Variants in HMMR observed in about 807,000 individuals in gnomAD.
HMMR encodes intracellular hyaluronic acid-binding protein.
Under a neutral mutation model 101.0 loss-of-function variants are expected in HMMR, and 108 were observed. The ratio of observed to expected loss-of-function variants is 1.07; its 90% CI spans 0.92 to 1.25. HMMR has a LOEUF of 1.25. Ranked by LOEUF, HMMR falls within the 50% of genes most tolerant of loss-of-function variation. The pLI is 0.00. For missense variants in HMMR, 813 were observed against 788.7 expected (o/e 1.03, Z -0.37); for synonymous variants, 296 against 276.4 (o/e 1.07, Z -0.70).
chr5:163,487,723 C>CT (rs564620480), intron 16 of HMMR, among the ~76,000 whole-genome samples: 36 of 149,876 alleles, frequency 2.4e-4, no homozygotes, highest in Non-Finnish European at 4.7e-4. Context: ...CCTTTATAAT[C>CT]TTTTTTTTAT....
At chr5:163,476,157 TA>T (rs532303083) in intron 11 of HMMR, among the ~76,000 whole-genome samples, 1 of 148,018 alleles carries the variant, frequency 6.8e-6, no homozygotes, top group Admixed American at 6.8e-5. Context: ...TACTAAAAAT[TA>T]AAAAAAAAAC....
intron 3 of HMMR, among the ~76,000 whole-genome samples, chr5:163,466,749 C>G: frequency 6.6e-6 from 1 of 151,934 alleles, no homozygotes; most frequent in Non-Finnish European, 1.5e-5. Flanking sequence ...CAATGACATG[C>G]TGAAAAAATA....
intron 17 of HMMR, among the ~76,000 whole-genome samples, 179 bp from the exon 18 acceptor site, chr5:163,490,933 G>A (rs770285276): frequency 6.6e-6 from 1 of 152,116 alleles, no homozygotes; most frequent in Non-Finnish European, 1.5e-5. Flanking sequence ...TCTTGACTGT[G>A]AATGTTTGTC....
chr5:163,490,317 G>T, intron 16 of HMMR, 73 bp from the exon 17 acceptor site: 1 of 1,022,510 alleles, frequency 9.8e-7, no homozygotes. Context: ...GAATTTGCCC[G>T]CAACATTGGT....
In HMMR at chr5:163,475,529, T is replaced by C. The variant is rs530844172; in HGVS notation, c.1125T>C (p.Phe375=). 4 of 1,610,178 alleles carry C rather than the reference T, an allele frequency of 2.5e-6. No homozygotes were observed. Among genetic ancestry groups the C allele is most frequent in the Non-Finnish European group, 3.4e-6 (4 of 1,177,092 alleles). Residue 375 remains phenylalanine (F), a synonymous_variant, in exon 11 of 18, where the codon TTT becomes TTC. Transcript: ENST00000393915. Reference sequence around the variant, plus strand: ...AAATGGTTAAAGAGAAGAATCTGTTTGAGGAAGAATTAAAGCAAACACTGG... The same window carrying C: ...AAATGGTTAAAGAGAAGAATCTGTTCGAGGAAGAATTAAAGCAAACACTGG... The part of the protein sequence containing the change: ...QEEMVKEKNL[F]EEELKQTLDE...
At chr5:163,486,714 G>A (rs757442642) in intron 16 of HMMR, among the ~76,000 whole-genome samples, 1 of 152,168 alleles carries the variant, frequency 6.6e-6, no homozygotes, top group Non-Finnish European at 1.5e-5. Flanking sequence ...TGATCTAGGG[G>A]GAAAGCATTC....
chr5:163,477,508 A>G (rs1244431318), intron 11 of HMMR, among the ~76,000 whole-genome samples: 1 of 152,194 alleles, frequency 6.6e-6, no homozygotes, highest in Non-Finnish European at 1.5e-5. Context: ...GGGGAACAAT[A>G]CAAAATTGTA....
chr5:163,490,580 G>T (rs376303903), intron 17 of HMMR, 28 bp downstream of exon 17: 1 of 1,523,640 alleles, frequency 6.6e-7, no homozygotes, highest in African/African-American at 1.4e-5. Flanking sequence ...GTATAAAAGT[G>T]TCCTCTTCCT....
Position 163,474,184 on chromosome 5 carries a change from T to G in HMMR, c.1032T>G (p.Asp344Glu). 6.2e-7 allele frequency: 1 copy of G among 1,608,102 alleles called. No homozygotes were observed. The highest frequency in any genetic ancestry group is 8.5e-7 in the Non-Finnish European group (1 of 1,177,506). ...EKLQQKELQI[D>E]SLLQQEKELS... Reference sequence around the variant, plus strand: ...TTCAACAAAAAGAATTACAAATTGATTCACTTCTGCAACAAGAGAAAGTAA... The same window carrying G: ...TTCAACAAAAAGAATTACAAATTGAGTCACTTCTGCAACAAGAGAAAGTAA... The change falls in exon 10 of 18, where the codon GAT becomes GAG. Residue 344 changes from aspartate (D) to glutamate (E), a missense_variant. Asp to Glu is a conservative substitution (Grantham distance 45, BLOSUM62 2). Coordinates refer to ENST00000393915, the MANE Select transcript of HMMR (RefSeq NM_001142556.2).
chr5:163,466,476 A>G (rs1046484328), intron 3 of HMMR, among the ~76,000 whole-genome samples: 9 of 152,168 alleles, frequency 5.9e-5, no homozygotes, highest in Non-Finnish European at 1.3e-4. Flanking sequence ...CTATTAAAGA[A>G]CTAAATTTTT....
At chr5:163,475,717 A>G (rs747849793) in intron 11 of HMMR, 45 bp downstream of exon 11, 4 of 955,362 alleles carry the variant, frequency 4.2e-6, no homozygotes, top group Non-Finnish European at 6.2e-6. Context: ...CTTCAGATGT[A>G]TTTATTTTGA....
At chr5:163,473,991 G>C in intron 9 of HMMR, 66 bp from the exon 10 acceptor site, 4 of 1,286,240 alleles carry the variant, frequency 3.1e-6, no homozygotes, top group Non-Finnish European at 4.4e-6. Flanking sequence ...TATTATGGGA[G>C]TCCAGGTTTC....
At chr5:163,476,392 A>G (rs942117451) in intron 11 of HMMR, among the ~76,000 whole-genome samples, 28 of 152,194 alleles carry the variant, frequency 1.8e-4, no homozygotes, top group African/African-American at 6.3e-4. Flanking sequence ...TAGCATTCCC[A>G]TTTTTGTCTA....
chr5:163,476,958 G>C (rs1759087380), intron 11 of HMMR, among the ~76,000 whole-genome samples: 1 of 152,230 alleles, frequency 6.6e-6, no homozygotes, highest in East Asian at 1.9e-4. Flanking sequence ...TTGAACCCAG[G>C]AGGCGGAGGT....
intron 7 of HMMR, among the ~76,000 whole-genome samples, chr5:163,471,723 T>A (rs974286817): frequency 1.4e-4 from 21 of 152,218 alleles, no homozygotes; most frequent in African/African-American, 5.1e-4. Context: ...CATGATCTTA[T>A]GAAAGTGGTC....
chr5:163,478,961 T>C (rs1759162658), intron 12 of HMMR, among the ~76,000 whole-genome samples, 161 bp downstream of exon 12: 1 of 152,156 alleles, frequency 6.6e-6, no homozygotes, highest in Non-Finnish European at 1.5e-5. Flanking sequence ...TATCTGGTAA[T>C]CTTATTGTAT....
intron 4 of HMMR, 139 bp downstream of exon 4, chr5:163,467,887 A>G: frequency 3.5e-6 from 2 of 577,102 alleles, no homozygotes; most frequent in Middle Eastern, 5.3e-4. Flanking sequence ...GCCTACAGGA[A>G]AACAGTTCTT....
chr5:163,476,681 A>G (rs1279021885), intron 11 of HMMR, among the ~76,000 whole-genome samples: 1 of 152,106 alleles, frequency 6.6e-6, no homozygotes, highest in Non-Finnish European at 1.5e-5. Context: ...ATGAGAAAAA[A>G]TAATTATAAC....
Position 163,484,245 on chromosome 5 carries a change from G to A in HMMR, c.1962G>A (p.Ser654=), listed in dbSNP as rs1759386337. The A allele has an allele frequency of 1.4e-5, 22 of 1,562,088 alleles. No individual in the cohort carries two copies. Among genetic ancestry groups the A allele is most frequent in the East Asian group, 1.1e-4 (5 of 43,858 alleles). ...AAGATGAAAATAGCCAACTCAAATC[G>A]GTTTGTAAAATGACTTTTCATTTTA... The part of the protein sequence containing the change: ...KLKDENSQLK[S]EVSKLRCQLA... Residue 654 remains serine (S), a splice_region_variant and synonymous_variant, in exon 16 of 18, where the codon TCG becomes TCA. Transcript: ENST00000393915.
Sources: gnomAD v4.1 joint callset for allele counts (sites outside exome capture counted in the v4.1 genomes callset) on GRCh38, gnomAD v4.1.1 for gene constraint, MANE v1.5 for transcripts, NCBI Gene and HGNC (gene_info 2026-07-23, HGNC 2026-07-21) for gene names.